Variants in CERS3 observed in about 807,000 individuals in gnomAD.
CERS3 encodes ceramide synthase 3.
Under a neutral mutation model 50.3 loss-of-function variants are expected in CERS3, and 33 were observed. That is an observed-to-expected ratio of 0.66 (90% CI 0.50 to 0.88). CERS3 has a LOEUF of 0.88. CERS3 is among the 40% of genes least tolerant of loss of function. The pLI, the probability that CERS3 is intolerant of heterozygous loss-of-function variation, is 0.00. For missense variants in CERS3, 470 were observed against 460.3 expected, an observed-to-expected ratio of 1.02 and a Z score of -0.19; for synonymous variants, 176 against 155.2, an observed-to-expected ratio of 1.13 and a Z score of -0.99.
At chr15:100,409,464 A>G (rs1340359387) in intron 11 of CERS3, among the ~76,000 whole-genome samples, 1 of 152,086 alleles carries the variant, frequency 6.6e-6, no homozygotes, top group Non-Finnish European at 1.5e-5. Flanking sequence ...AGTGCAGCCC[A>G]CCACCCATAT....
intron 3 of CERS3, among the ~76,000 whole-genome samples, chr15:100,493,383 C>CA (rs1171829188): frequency 3.3e-5 from 5 of 152,162 alleles, no homozygotes; most frequent in Admixed American, 6.5e-5. Flanking sequence ...CTTTGGCCTA[C>CA]ATAGATGCTG....
Position 100,435,108 on chromosome 15 carries a change from C to T in CERS3, c.999+20785G>A, listed in dbSNP as rs565921119. Among the ~76,000 whole-genome samples the T allele has an allele frequency of 1.3e-3, 196 of 152,336 alleles. 1 individual carries two copies. The highest frequency in any genetic ancestry group is 2.0e-3 in the Non-Finnish European group (138 of 68,028). On this transcript the variant is annotated intron_variant, in intron 11 of 11. Transcript: ENST00000679737. ...CTCAGGAAGCAGCTCTCATCTTAAGCCCTTTCATTTGCAACTGCCTCCTTT... is the reference window on the plus strand; with the variant it reads ...CTCAGGAAGCAGCTCTCATCTTAAGTCCTTTCATTTGCAACTGCCTCCTTT...
intron 2 of CERS3, among the ~76,000 whole-genome samples, chr15:100,516,442 A>G (rs977142180): frequency 2.0e-5 from 3 of 152,136 alleles, no homozygotes; most frequent in African/African-American, 7.2e-5. Flanking sequence ...GGTTAATTCC[A>G]CCTACCACAA....
At chr15:100,474,128 G>C (rs974500480) in intron 8 of CERS3, among the ~76,000 whole-genome samples, 6 of 35,368 alleles carry the variant, frequency 1.7e-4, no homozygotes, top group Non-Finnish European at 1.8e-4. Context: ...GGGCTGGGGA[G>C]GTTGAGAGAA....
intron 5 of CERS3, among the ~76,000 whole-genome samples, chr15:100,481,965 T>C (rs1034280296): frequency 1.3e-5 from 2 of 152,244 alleles, no homozygotes; most frequent in Non-Finnish European, 2.9e-5. Flanking sequence ...TGAATGAAAT[T>C]GCACTGATGA....
chr15:100,462,583 C>T (rs2034585545), intron 10 of CERS3, among the ~76,000 whole-genome samples: 1 of 152,162 alleles, frequency 6.6e-6, no homozygotes, highest in Admixed American at 6.5e-5. Flanking sequence ...ATGATACACT[C>T]TTAACCCTAC....
In CERS3 at chr15:100,401,406, G is replaced by A. The variant is rs548174391; in HGVS notation, c.*1307C>T. 8.5e-5 allele frequency: 13 copies of A among 152,474 alleles called. No individual in the cohort carries two copies. The highest frequency in any genetic ancestry group is 2.6e-4 in the African/African-American group (11 of 41,574). 9.4% of individuals were successfully genotyped at this position (152,474 alleles called of 1,614,324 possible). ...ACAAGGCCGCAAGGGAGGCAGGGAC[G>A]TGTGCAAGTCTTCTCCGGTGCTCCC... On this transcript the variant is annotated 3_prime_UTR_variant, in exon 12 of 12. Coordinates refer to ENST00000679737, the MANE Select transcript of CERS3 (RefSeq NM_001378789.1).
At chr15:100,468,285 T>C (rs981835243) in intron 10 of CERS3, among the ~76,000 whole-genome samples, 4 of 152,196 alleles carry the variant, frequency 2.6e-5, no homozygotes, top group African/African-American at 4.8e-5. Flanking sequence ...ATGAGAAAAC[T>C]GAGGCACAGA....
At chr15:100,533,783 C>T (rs2037004048), upstream of CERS3, among the ~76,000 whole-genome samples, 2 of 152,160 alleles carry the variant, frequency 1.3e-5, no homozygotes, top group Non-Finnish European at 2.9e-5. Flanking sequence ...TGGTCTCGAT[C>T]TCCTGACCTC....
intron 11 of CERS3, among the ~76,000 whole-genome samples, chr15:100,425,553 G>A (rs1398516904): frequency 6.6e-6 from 1 of 152,180 alleles, no homozygotes; most frequent in Non-Finnish European, 1.5e-5. Flanking sequence ...CTTTTGGAAA[G>A]GGAGTATTTA....
At chr15:100,475,453 A>G (rs1465584674) in intron 8 of CERS3, among the ~76,000 whole-genome samples, 1 of 152,200 alleles carries the variant, frequency 6.6e-6, no homozygotes, top group Non-Finnish European at 1.5e-5. Context: ...TTTGATCTGA[A>G]TTGCTTACAT....
At chr15:100,428,765 A>T (rs1470172291) in intron 11 of CERS3, among the ~76,000 whole-genome samples, 1 of 152,252 alleles carries the variant, frequency 6.6e-6, no homozygotes, top group African/African-American at 2.4e-5. Flanking sequence ...AACACACAAT[A>T]AGAAATACAT....
At chr15:100,467,123 C>T (rs1047382257) in intron 10 of CERS3, among the ~76,000 whole-genome samples, 11 of 151,924 alleles carry the variant, frequency 7.2e-5, no homozygotes, top group African/African-American at 2.7e-4. Flanking sequence ...CCCAAAGTAC[C>T]GGGATATAGG....
intron 11 of CERS3, among the ~76,000 whole-genome samples, chr15:100,454,640 T>C (rs1273666507): frequency 6.6e-6 from 1 of 152,074 alleles, no homozygotes; most frequent in African/African-American, 2.4e-5. Context: ...GGGAAATACT[T>C]CAGGACATTG....
intron 11 of CERS3, among the ~76,000 whole-genome samples, chr15:100,427,454 T>A (rs770629426): frequency 3.9e-5 from 6 of 152,192 alleles, no homozygotes; most frequent in Non-Finnish European, 5.9e-5. Context: ...GAGGCTATTC[T>A]ATACCAGAAA....
upstream of CERS3, among the ~76,000 whole-genome samples, chr15:100,530,987 G>A (rs761176376): frequency 2.6e-5 from 4 of 152,032 alleles, no homozygotes; most frequent in Non-Finnish European, 5.9e-5. Flanking sequence ...GGGAGGCTGC[G>A]GCAGGAGAAT....
chr15:100,446,443 A>G (rs2033949557), intron 11 of CERS3, among the ~76,000 whole-genome samples: 1 of 150,580 alleles, frequency 6.6e-6, no homozygotes, highest in Admixed American at 6.7e-5. Flanking sequence ...AGAAGCTAAG[A>G]GATGGTAGAA....
At chr15:100,508,123 GT>G (rs775750137) in intron 2 of CERS3, among the ~76,000 whole-genome samples, 57 of 148,202 alleles carry the variant, frequency 3.8e-4, no homozygotes, top group Non-Finnish European at 6.5e-4. Context: ...AGAGGTACCT[GT>G]TTTTAGGATT....
At chr15:100,463,173 G>A (rs938796568) in intron 10 of CERS3, among the ~76,000 whole-genome samples, 2 of 152,036 alleles carry the variant, frequency 1.3e-5, no homozygotes, top group African/African-American at 4.8e-5. Flanking sequence ...TTCTTTGTAA[G>A]CTTAAAATTA....
Sources: gnomAD v4.1 joint callset for allele counts (sites outside exome capture counted in the v4.1 genomes callset) on GRCh38, gnomAD v4.1.1 for gene constraint, MANE v1.5 for transcripts, NCBI Gene and HGNC (gene_info 2026-07-23, HGNC 2026-07-21) for gene names.